Variants in PCDHGB4 observed in about 807,000 individuals in gnomAD.
PCDHGB4 encodes the protein protocadherin gamma subfamily B, 4.
PCDHGB4 carries 38 observed loss-of-function variants against 60.5 expected under a neutral mutation model. The observed-to-expected ratio is 0.63, with a 90% CI of 0.48 to 0.82. The LOEUF (loss-of-function observed/expected upper bound fraction) is 0.82. Ranked by LOEUF, PCDHGB4 falls within the 40% of genes least tolerant of loss-of-function variation. The pLI is 0.00. For synonymous variants in PCDHGB4, 456 were observed against 509.7 expected (o/e 0.89, Z 1.42); for missense variants, 1,109 against 1,209.6 (o/e 0.92, Z 1.23).
In PCDHGB4 at chr5:141,390,005, G is replaced by A. The variant is rs886109174; in HGVS notation, c.2121G>A (p.Leu707=). 2.5e-6 allele frequency: 4 copies of A among 1,613,860 alleles called. No individual in the cohort carries two copies. In the African/African-American group the frequency reaches 5.3e-5, roughly 22 times the overall value. ...ISVLFLVAMI[L]AIALRLRRSS... is the part of the protein sequence containing the mutation. ...TGCTCTTCCTCGTGGCCATGATTCT[G>A]GCCATTGCCTTGCGCCTGCGACGCT... The change falls in exon 1 of 4, where the codon CTG becomes CTA. Residue 707 remains leucine, a synonymous_variant. Coordinates refer to ENST00000519479, the MANE Select transcript of PCDHGB4 (RefSeq NM_003736.4).
intron 1 of PCDHGB4, chr5:141,398,999 A>C: frequency 6.2e-7 from 1 of 1,613,964 alleles, no homozygotes; most frequent in East Asian, 2.2e-5. Context: ...TTTAGTCTGA[A>C]TTCAAAGAGC....
Position 141,431,663 on chromosome 5 carries a change from T to G in PCDHGB4, c.2397+41382T>G, listed in dbSNP as rs2097405149. ...ACTAGATTGTAATTCAGGGACAATA[T>G]CAACAATAGGGGAGTTGGACCACGA... On this transcript the variant is annotated intron_variant, in intron 1 of 3. Coordinates refer to ENST00000519479, the MANE Select transcript of PCDHGB4 (RefSeq NM_003736.4). The surrounding 1 kb of genome is among the most constrained non-coding windows in gnomAD (Gnocchi z 4.8). The G allele has an allele frequency of 6.2e-7, 1 of 1,614,168 alleles. No individual in the cohort carries two copies.
chr5:141,449,073 T>C (rs889880816), intron 1 of PCDHGB4, among the ~76,000 whole-genome samples: 1 of 152,246 alleles, frequency 6.6e-6, no homozygotes, highest in African/African-American at 2.4e-5. Flanking sequence ...TGAATAGCCC[T>C]GTACCTACAT....
intron 3 of PCDHGB4, among the ~76,000 whole-genome samples, chr5:141,507,590 T>C (rs531629336): frequency 1.3e-5 from 2 of 152,374 alleles, no homozygotes; most frequent in African/African-American, 4.8e-5. Context: ...AGTTGGCCTC[T>C]TGAGGGAAAT....
At chr5:141,451,315 T>A (rs2154563546) in intron 1 of PCDHGB4, among the ~76,000 whole-genome samples, 1 of 152,330 alleles carries the variant, frequency 6.6e-6, no homozygotes, top group South Asian at 2.1e-4. Context: ...GCAATTAAAG[T>A]GTCACCTAAG....
intron 1 of PCDHGB4, among the ~76,000 whole-genome samples, chr5:141,481,063 C>T (rs2154578481): frequency 6.6e-6 from 1 of 151,952 alleles, no homozygotes; most frequent in Middle Eastern, 3.4e-3. Context: ...ACCTCAAAAA[C>T]AAAAAGAAAG....
intron 1 of PCDHGB4, chr5:141,478,026 C>G: frequency 6.2e-7 from 1 of 1,614,180 alleles, no homozygotes; most frequent in Non-Finnish European, 8.5e-7. Flanking sequence ...GTCCAAGACA[C>G]AGATTCACCC....
At chr5:141,434,883 C>T (rs1490696834) in intron 1 of PCDHGB4, among the ~76,000 whole-genome samples, 1 of 151,644 alleles carries the variant, frequency 6.6e-6, no homozygotes, top group Non-Finnish European at 1.5e-5. Context: ...ATACCAACAA[C>T]AATCCAGTCC....
chr5:141,503,894 T>C (rs898125492), intron 2 of PCDHGB4, among the ~76,000 whole-genome samples: 2 of 152,144 alleles, frequency 1.3e-5, no homozygotes, highest in African/African-American at 4.8e-5. Flanking sequence ...CATGACAAAA[T>C]ATGCACACAC....
At chr5:141,508,244 C>A (rs1278674173) in intron 3 of PCDHGB4, 1 of 152,314 alleles carries the variant, frequency 6.6e-6, no homozygotes, top group Non-Finnish European at 1.5e-5. Context: ...CTAAGTCTGC[C>A]TCTCCTGGGA....
At position 141,491,591 on chromosome 5, in the gene PCDHGB4, G is replaced by A. The variant is rs969259993; in HGVS notation, c.2398-3216G>A. 22 of 1,613,862 alleles carry A rather than the reference G, an allele frequency of 1.4e-5. No individual in the cohort carries two copies. The highest frequency in any genetic ancestry group is 1.8e-5 in the Non-Finnish European group (21 of 1,180,048). ...ACGTGCTTTTCACCGGCCTCGGACG[G>A]CAGTGACTTCACTTTTCTAAGACCC... On this transcript the variant is annotated intron_variant, in intron 1 of 3. Coordinates refer to ENST00000519479, the MANE Select transcript of PCDHGB4 (RefSeq NM_003736.4). This position sits in a 1 kb window ranked among gnomAD's most constrained non-coding sequence, Gnocchi z 6.9.
chr5:141,500,271 C>T (rs936454651), intron 2 of PCDHGB4, among the ~76,000 whole-genome samples: 3 of 151,598 alleles, frequency 2.0e-5, no homozygotes, highest in African/African-American at 7.3e-5. Flanking sequence ...TGCAGTGGCG[C>T]AATCTCGGCT....
At chr5:141,404,211 T>G in intron 1 of PCDHGB4, 1 of 1,613,724 alleles carries the variant, frequency 6.2e-7, no homozygotes, top group East Asian at 2.2e-5. Context: ...GAATATAATA[T>G]CACGGTGACT....
chr5:141,491,496 C>T lies in PCDHGB4; in HGVS notation c.2398-3311C>T, dbSNP rs372523924. ...AGTCCAGCCCCAACCTGCAGGTGAG[C>T]TCGGACGGCACGCTCAAGTACATGG... On this transcript the variant is annotated intron_variant, in intron 1 of 3. Transcript: ENST00000519479. This position sits in a 1 kb window ranked among gnomAD's most constrained non-coding sequence, Gnocchi z 6.9. 2.9e-5 allele frequency: 47 copies of T among 1,614,004 alleles called. No individual in the cohort carries two copies. Among genetic ancestry groups the T allele is most frequent in the Non-Finnish European group, 3.7e-5 (44 of 1,180,026 alleles).
intron 1 of PCDHGB4, among the ~76,000 whole-genome samples, chr5:141,405,955 C>T (rs116457023): frequency 0.015 from 2,244 of 152,168 alleles, 22 homozygotes; most frequent in Admixed American, 0.035. Flanking sequence ...TAATAATTAA[C>T]CTGCTGTCAA....
intron 1 of PCDHGB4, chr5:141,400,377 A>G: frequency 1.2e-6 from 2 of 1,613,892 alleles, no homozygotes; most frequent in Non-Finnish European, 1.7e-6. Flanking sequence ...CCTACAACCT[A>G]TGTGTTGCAC....
intron 1 of PCDHGB4, chr5:141,410,748 C>T (rs569108587): frequency 8.8e-6 from 11 of 1,245,288 alleles, no homozygotes; most frequent in Admixed American, 5.8e-5. Flanking sequence ...AATATTTTCT[C>T]AATGTTTTTT....
At chr5:141,427,529 G>A (rs1464520351) in intron 1 of PCDHGB4, 1 of 619,898 alleles carries the variant, frequency 1.6e-6, no homozygotes, top group African/African-American at 1.8e-5. Context: ...GGATCCCGGA[G>A]TACAACGTCA....
At chr5:141,416,400 C>CT (rs1028319330) in intron 1 of PCDHGB4, 1 of 152,036 alleles carries the variant, frequency 6.6e-6, no homozygotes, top group African/African-American at 2.4e-5. Flanking sequence ...CTGCTTTTGT[C>CT]TTTTTTGTTA....
Sources: gnomAD v4.1 joint callset for allele counts (sites outside exome capture counted in the v4.1 genomes callset) on GRCh38, gnomAD v4.1.1 for gene constraint, Gnocchi (gnomAD v3.1) non-coding constraint, MANE v1.5 for transcripts, NCBI Gene and HGNC (gene_info 2026-07-23, HGNC 2026-07-21) for gene names.